The following ASTN1 variants were observed in gnomAD, a reference collection of about 807,000 sequenced individuals.
The protein encoded by ASTN1 is astrotactin-1.
Under a neutral mutation model 140.7 loss-of-function variants are expected in ASTN1, and 41 were observed. The observed-to-expected ratio is 0.29, with a 90% CI of 0.23 to 0.38. ASTN1 has a LOEUF of 0.38. Ranked by LOEUF, ASTN1 falls within the 10% of genes least tolerant of loss-of-function variation. The pLI is 1.00. For missense variants in ASTN1, 1,479 were observed against 1,678.8 expected, an observed-to-expected ratio of 0.88 and a Z score of 2.08; for synonymous variants, 640 against 652.2, an observed-to-expected ratio of 0.98 and a Z score of 0.29.
chr1:176,859,456 A>G (rs1367441562), downstream of ASTN1, among the ~76,000 whole-genome samples: 1 of 152,192 alleles, frequency 6.6e-6, no homozygotes, highest in African/African-American at 2.4e-5. Flanking sequence ...GTGGATGGAA[A>G]GGCACTGTTG....
chr1:177,114,567 A>G (rs1347185691), intron 1 of ASTN1, among the ~76,000 whole-genome samples: 4 of 152,178 alleles, frequency 2.6e-5, no homozygotes, highest in African/African-American at 9.7e-5. Flanking sequence ...ACAACAGCAC[A>G]ATATTACAAC....
chr1:177,057,349 A>G (rs1289713973), intron 2 of ASTN1, among the ~76,000 whole-genome samples: 1 of 152,184 alleles, frequency 6.6e-6, no homozygotes, highest in Non-Finnish European at 1.5e-5. Context: ...CATTCATACA[A>G]TGCCATAAGG....
intron 1 of ASTN1, among the ~76,000 whole-genome samples, chr1:177,157,651 T>TA (rs1384528182): frequency 2.6e-5 from 4 of 151,396 alleles, no homozygotes; most frequent in East Asian, 1.9e-4. Flanking sequence ...TATTTTTTTT[T>TA]AAAAAAAAGG....
intron 8 of ASTN1, among the ~76,000 whole-genome samples, chr1:176,983,997 C>T (rs1673761062): frequency 6.6e-6 from 1 of 152,190 alleles, no homozygotes; most frequent in Non-Finnish European, 1.5e-5. Flanking sequence ...CCAGCCAGAG[C>T]CTAATCCATT....
At chr1:177,101,024 C>T (rs1047086672) in intron 1 of ASTN1, among the ~76,000 whole-genome samples, 2 of 152,074 alleles carry the variant, frequency 1.3e-5, no homozygotes, top group East Asian at 1.9e-4. Context: ...ACCTGAGAGA[C>T]GGAGTTTGCA....
chr1:177,037,815 C>A (rs6688052), intron 2 of ASTN1, among the ~76,000 whole-genome samples: 2 of 152,028 alleles, frequency 1.3e-5, no homozygotes, highest in Non-Finnish European at 2.9e-5. Context: ...CATCTATTAA[C>A]GAGTTCCTTG....
chr1:177,110,408 A>C (rs925890737), intron 1 of ASTN1, among the ~76,000 whole-genome samples: 1 of 152,238 alleles, frequency 6.6e-6, no homozygotes, highest in Admixed American at 6.5e-5. Context: ...AGTGTCTAAC[A>C]TAACATTAGC....
chr1:176,971,654 C>T (rs1287124634), intron 8 of ASTN1, among the ~76,000 whole-genome samples: 1 of 152,182 alleles, frequency 6.6e-6, no homozygotes, highest in Admixed American at 6.5e-5. Flanking sequence ...TCTCTCATGG[C>T]ACCCTGCACT....
At chr1:176,984,953 T>C (rs1673815398) in intron 8 of ASTN1, among the ~76,000 whole-genome samples, 1 of 152,156 alleles carries the variant, frequency 6.6e-6, no homozygotes, top group African/African-American at 2.4e-5. Flanking sequence ...CAACATGCCA[T>C]AGAGCAACTA....
intron 16 of ASTN1, among the ~76,000 whole-genome samples, chr1:176,926,083 A>G (rs1039906368): frequency 2.6e-5 from 4 of 152,112 alleles, no homozygotes; most frequent in African/African-American, 9.7e-5. Flanking sequence ...CTGGGATTAC[A>G]GGTGTGAGCC....
intron 8 of ASTN1, among the ~76,000 whole-genome samples, chr1:176,968,289 T>C (rs1672973130): frequency 6.6e-6 from 1 of 152,242 alleles, no homozygotes; most frequent in Admixed American, 6.5e-5. Flanking sequence ...AATTGATCAA[T>C]TACATGCATC....
At chr1:177,109,468 AC>A (rs1358946231) in intron 1 of ASTN1, among the ~76,000 whole-genome samples, 1 of 152,098 alleles carries the variant, frequency 6.6e-6, no homozygotes, top group Admixed American at 6.6e-5. Flanking sequence ...AGAGAGACTC[AC>A]CCACAATATC....
At chr1:176,977,421 C>T (rs1310578046) in intron 8 of ASTN1, among the ~76,000 whole-genome samples, 2 of 152,194 alleles carry the variant, frequency 1.3e-5, no homozygotes, top group African/African-American at 2.4e-5. Context: ...ATGTCATTAA[C>T]GCACTGATTC....
chr1:177,071,669 A>G (rs1022072877), intron 1 of ASTN1, among the ~76,000 whole-genome samples: 2 of 152,150 alleles, frequency 1.3e-5, no homozygotes, highest in African/African-American at 4.8e-5. Flanking sequence ...GCTCTTCTTT[A>G]TAAGCCATTT....
At chr1:177,039,347 A>G (rs985707489) in intron 2 of ASTN1, among the ~76,000 whole-genome samples, 1 of 152,222 alleles carries the variant, frequency 6.6e-6, no homozygotes, top group Non-Finnish European at 1.5e-5. Flanking sequence ...AATACCAATG[A>G]CCCAAGGTCA....
In ASTN1 at chr1:177,123,333, C is replaced by G. The variant is rs536147381; in HGVS notation, c.283+41061G>C. Among the ~76,000 whole-genome samples, 5 of 152,298 alleles carry G rather than the reference C, an allele frequency of 3.3e-5. No homozygotes were observed. The East Asian group carries it at 5.8e-4, about 18-fold the overall frequency. ...ATTCATTAAGAAACAAAAGGAAAAA[C>G]TCATCAAGTAACAGTAATTATCAAA... On this transcript the variant is annotated intron_variant, in intron 1 of 22. Coordinates refer to ENST00000361833, the MANE Select transcript of ASTN1 (RefSeq NM_004319.3).
At chr1:176,922,297 T>C (rs6688579) in intron 16 of ASTN1, among the ~76,000 whole-genome samples, 43,258 of 151,688 alleles carry the variant, frequency 0.29, 6,221 homozygotes, top group African/African-American at 0.32. Flanking sequence ...GTATGCAGCC[T>C]GTGGAACCAG....
chr1:177,023,127 C>T (rs942213547), intron 7 of ASTN1, among the ~76,000 whole-genome samples: 30 of 151,948 alleles, frequency 2.0e-4, no homozygotes, highest in African/African-American at 7.3e-4. Flanking sequence ...TTTAAATATC[C>T]CCTGACTATG....
chr1:176,927,601 C>T (rs897640214), intron 16 of ASTN1, among the ~76,000 whole-genome samples: 3 of 152,188 alleles, frequency 2.0e-5, no homozygotes, highest in Non-Finnish European at 4.4e-5. Flanking sequence ...CTGGCTTCTT[C>T]TGAAGTAAGA....
Sources: allele counts gnomAD v4.1 joint callset (sites outside exome capture counted in the v4.1 genomes callset), GRCh38; gene constraint gnomAD v4.1.1; transcripts MANE v1.5; gene names NCBI Gene and HGNC (gene_info 2026-07-23, HGNC 2026-07-21).